The following CYP4A11 variants were observed in gnomAD, a reference collection of about 807,000 sequenced individuals.
The protein encoded by CYP4A11 is cytochrome P450 family 4 subfamily A member 11, also known as cytochrome P450 4A11.
CYP4A11 carries 52 observed loss-of-function variants against 57.7 expected under a neutral mutation model. The observed-to-expected ratio is 0.90, with a 90% CI of 0.72 to 1.14. The LOEUF is 1.14. CYP4A11 is among the 50% of genes most tolerant of loss of function. The pLI is 0.00. For synonymous variants in CYP4A11, 228 were observed against 247.1 expected (o/e 0.92, Z 0.72); for missense variants, 641 against 642.1 (o/e 1.00, Z 0.02).
chr1:46,932,591 C>T, intron 11 of CYP4A11, 170 bp downstream of exon 11: 1 of 1,516,284 alleles, frequency 6.6e-7, no homozygotes, highest in Non-Finnish European at 8.8e-7. Flanking sequence ...ATGCCACCTT[C>T]CTTTTGTACA....
At chr1:46,937,693 G>A (rs1681498757) in intron 2 of CYP4A11, among the ~76,000 whole-genome samples, 1 of 152,170 alleles carries the variant, frequency 6.6e-6, no homozygotes, top group South Asian at 2.1e-4. Context: ...TTGAAACCCA[G>A]GTCAATGTGG....
At chr1:46,938,449 A>G (rs1350321156) in intron 1 of CYP4A11, among the ~76,000 whole-genome samples, 1 of 152,244 alleles carries the variant, frequency 6.6e-6, no homozygotes, top group Non-Finnish European at 1.5e-5. Context: ...TTAGTTGATA[A>G]GTAGATTTGT....
chr1:46,932,998 C>T lies in CYP4A11; in HGVS notation c.1272G>A (p.Val424=), dbSNP rs2148454093. Residue 424 remains valine (V), a synonymous_variant, in exon 10 of 12, where the codon GTG becomes GTA. Coordinates refer to ENST00000310638, the MANE Select transcript of CYP4A11 (RefSeq NM_000778.4). The part of the protein sequence containing the change: ...SIYGLHHNPK[V]WPNPEVFDPF... ...GACCACATACCTCTGGGTTGGGCCA[C>T]ACTTTTGGGTTGTGGTGAAGGCCAT... 1 of 1,614,174 alleles carries T rather than the reference C, an allele frequency of 6.2e-7. No individual in the cohort carries two copies. The highest frequency in any genetic ancestry group is 8.5e-7 in the Non-Finnish European group (1 of 1,180,030).
intron 9 of CYP4A11, 108 bp from the exon 10 acceptor site, chr1:46,933,155 A>C (rs1681136856): frequency 6.6e-7 from 1 of 1,504,726 alleles, no homozygotes; most frequent in Admixed American, 1.9e-5. Context: ...CTTTCCACAA[A>C]TTTTCACTTT....
chr1:46,941,393 T>A lies in CYP4A11; in HGVS notation c.41A>T (p.Asp14Val). The change falls in exon 1 of 12, where the codon GAT becomes GTT. Residue 14 changes from aspartate (D) to valine (V), a missense_variant. Coordinates refer to ENST00000310638, the MANE Select transcript of CYP4A11 (RefSeq NM_000778.4). The part of the protein sequence containing the change: ...SVLSPSRLLG[D>V]VSGILQAASL... ...GGCCGCTTGGAGGATTCCAGAGACA[T>A]CACCCAGGAGTCTGCTGGGGCTCAG... is the stretch of plus-strand genomic sequence containing the variant. 1 of 1,613,798 alleles carries A rather than the reference T, an allele frequency of 6.2e-7. No homozygotes were observed. The highest frequency in any genetic ancestry group is 1.3e-5 in the African/African-American group (1 of 75,038).
At chr1:46,933,462 CA>C (rs1285425888) in intron 9 of CYP4A11, among the ~76,000 whole-genome samples, 1 of 152,308 alleles carries the variant, frequency 6.6e-6, no homozygotes, top group East Asian at 1.9e-4. Context: ...TATGTTCACA[CA>C]ACTAGGTTAT....
chr1:46,930,168 G>A lies in CYP4A11; in HGVS notation c.1507C>T (p.His503Tyr). The part of the protein sequence containing the change: ...RLVLKSKNGI[H>Y]LRLRRLPNPC... The stretch of plus-strand genomic sequence containing the variant: ...TTAGGGAGCCTCCTGAGACGCAGGT[G>A]GATTCCATTTTTGGATTTCAACACA... Residue 503 changes from histidine to tyrosine, a missense_variant, in exon 12 of 12, where the codon CAC becomes TAC. By Grantham distance (83) the His-to-Tyr change is moderately conservative (BLOSUM62 2). Coordinates refer to ENST00000310638, the MANE Select transcript of CYP4A11 (RefSeq NM_000778.4). 1 of 1,614,040 alleles carries A rather than the reference G, an allele frequency of 6.2e-7. No individual in the cohort carries two copies. Among genetic ancestry groups the A allele is most frequent in the Non-Finnish European group, 8.5e-7 (1 of 1,179,970 alleles).
chr1:46,936,426 A>G lies in CYP4A11; in HGVS notation c.510+238T>C, dbSNP rs186937423. On this transcript the variant is annotated intron_variant, in intron 4 of 11. Coordinates refer to ENST00000310638, the MANE Select transcript of CYP4A11 (RefSeq NM_000778.4). Reference sequence around the variant, plus strand: ...CAAAGTGGGAGGAGAAGGGCCTTGCATTCACCATGAATCTCTATTCCTATG... The same window carrying G: ...CAAAGTGGGAGGAGAAGGGCCTTGCGTTCACCATGAATCTCTATTCCTATG... Among the ~76,000 whole-genome samples the G allele has an allele frequency of 2.2e-4, 33 of 152,340 alleles. No homozygotes were observed. The South Asian group carries it at 2.5e-3, about 11-fold the overall frequency.
At chr1:46,933,838 A>T in intron 9 of CYP4A11, 108 bp downstream of exon 9, 1 of 1,494,590 alleles carries the variant, frequency 6.7e-7, no homozygotes, top group Non-Finnish European at 9.0e-7. Flanking sequence ...TTTTTTTAGA[A>T]CAAAAGGGAG....
rs1485148411 is a variant in CYP4A11 at position 46,930,857 on chromosome 1, C to G, written c.1365-547G>C. On this transcript the variant is annotated intron_variant, in intron 11 of 11. Coordinates refer to ENST00000310638, the MANE Select transcript of CYP4A11 (RefSeq NM_000778.4). ...CTGGGTGGGTGATCCTCAGTGTTGC[C>G]CCACCTGCCTCCCACCCCAGGGTCC... Among the ~76,000 whole-genome samples the G allele has an allele frequency of 3.3e-5, 5 of 152,058 alleles. No individual in the cohort carries two copies. In the East Asian group the frequency reaches 9.7e-4, roughly 30 times the overall value.
intron 11 of CYP4A11, 42 bp from the exon 12 acceptor site, chr1:46,930,352 C>T (rs774083186): frequency 3.8e-6 from 6 of 1,577,838 alleles, no homozygotes; most frequent in Middle Eastern, 1.7e-4. Flanking sequence ...TGTCCTCAGG[C>T]CCCATTCTGA....
At position 46,933,122 on chromosome 1, in the gene CYP4A11, C is replaced by T. The variant is rs534221398; in HGVS notation, c.1223-75G>A. On this transcript the variant is annotated intron_variant, in intron 9 of 11. Coordinates refer to ENST00000310638, the MANE Select transcript of CYP4A11 (RefSeq NM_000778.4). Reference sequence around the variant, plus strand: ...GGCCTGGTACTTCAGCCAGCAGGCACAAAAGAAGGCCCAAAAAGCCTACTT... The same window carrying T: ...GGCCTGGTACTTCAGCCAGCAGGCATAAAAGAAGGCCCAAAAAGCCTACTT... The T allele has an allele frequency of 1.4e-5, 22 of 1,582,770 alleles. No homozygotes were observed. In the East Asian group the frequency reaches 3.1e-4, roughly 23 times the overall value.
Position 46,941,413 on chromosome 1 carries a change from G to GC in CYP4A11, c.20dup (p.Ser7ArgfsTer8). 6.2e-7 allele frequency: 1 copy of GC among 1,614,042 alleles called. No individual in the cohort carries two copies. Reference sequence around the variant, plus strand: ...AGACATCACCCAGGAGTCTGCTGGGGCTCAGCACAGAGACACTCATGGTGC... The same window carrying GC: ...AGACATCACCCAGGAGTCTGCTGGGGCCTCAGCACAGAGACACTCATGGTGC... On this transcript the variant is annotated frameshift_variant, in exon 1 of 12. Coordinates refer to ENST00000310638, the MANE Select transcript of CYP4A11 (RefSeq NM_000778.4). LOFTEE classifies it high-confidence loss of function.
In CYP4A11 at chr1:46,930,263, G is replaced by A. The variant is rs146063263; in HGVS notation, c.1412C>T (p.Thr471Met). 2.1e-4 allele frequency: 345 copies of A among 1,613,654 alleles called. 1 individual carries two copies. The African/African-American group carries it at 3.4e-3, about 16-fold the overall frequency. The change falls in exon 12 of 12, where the codon ACG (threonine) becomes ATG (methionine). Residue 471 changes from threonine (T) to methionine (M), a missense_variant. Thr to Met is a moderately conservative substitution (Grantham distance 81). Transcript: ENST00000310638. ...QFAMNELKVA[T>M]ALTLLRFELL... Reference sequence around the variant, plus strand: ...CTCAAAGCGGAGCAGGGTCAGGGCCGTGGCCACCTTCAGCTCGTTCATGGC... The same window carrying A: ...CTCAAAGCGGAGCAGGGTCAGGGCCATGGCCACCTTCAGCTCGTTCATGGC...
chr1:46,931,131 T>A (rs931380975), intron 11 of CYP4A11, among the ~76,000 whole-genome samples: 1 of 152,304 alleles, frequency 6.6e-6, no homozygotes, highest in South Asian at 2.1e-4. Flanking sequence ...CACCCACATT[T>A]TACCTGTCCA....
At chr1:46,934,921 C>A (rs1171947953) in intron 6 of CYP4A11, 79 bp downstream of exon 6, 8 of 1,561,450 alleles carry the variant, frequency 5.1e-6, no homozygotes, top group East Asian at 2.3e-5. Flanking sequence ...TTACTAGGGG[C>A]CTTCTCTGGC....
intron 11 of CYP4A11, chr1:46,932,052 T>C (rs1330231887): frequency 1.0e-6 from 1 of 981,012 alleles, no homozygotes; most frequent in Non-Finnish European, 1.2e-6. Context: ...TTGTGCTAAG[T>C]GGATTACAGG....
intron 4 of CYP4A11, 24 bp downstream of exon 4, chr1:46,936,640 G>A: frequency 6.4e-7 from 1 of 1,566,678 alleles, no homozygotes; most frequent in African/African-American, 1.4e-5. Context: ...TGGGTGTGGG[G>A]AGAGGAGAGA....
intron 11 of CYP4A11, 165 bp downstream of exon 11, chr1:46,932,596 T>C: frequency 6.6e-7 from 1 of 1,524,604 alleles, no homozygotes; most frequent in Non-Finnish European, 8.8e-7. Flanking sequence ...ACCTTCCTTT[T>C]GTACACAGAG....
Sources: gnomAD v4.1 joint callset for allele counts (sites outside exome capture counted in the v4.1 genomes callset) on GRCh38, gnomAD v4.1.1 for gene constraint, MANE v1.5 for transcripts, NCBI Gene and HGNC (gene_info 2026-07-23, HGNC 2026-07-21) for gene names.